Variants in TBC1D12 observed in about 807,000 individuals in gnomAD.
The protein encoded by TBC1D12 is TBC1 domain family member 12, also known as TBC1 domain family, member 12.
TBC1D12 carries 56 observed loss-of-function variants against 86.7 expected under a neutral mutation model. The ratio of observed to expected loss-of-function variants is 0.65; its 90% CI spans 0.52 to 0.81. TBC1D12 has a LOEUF of 0.81. Among genes scored for constraint, TBC1D12 ranks in the 30% least tolerant of loss-of-function variants. TBC1D12 has a pLI of 0.00. For synonymous variants in TBC1D12, 421 were observed against 411.7 expected (o/e 1.02, Z -0.27); for missense variants, 1,023 against 1,038.8 (o/e 0.98, Z 0.21).
At chr10:94,409,781 A>G (rs1474002847) in intron 1 of TBC1D12, among the ~76,000 whole-genome samples, 8 of 152,208 alleles carry the variant, frequency 5.3e-5, no homozygotes, top group Admixed American at 3.9e-4. Context: ...CAAAATGGCC[A>G]TAGAGATTAA....
intron 6 of TBC1D12, among the ~76,000 whole-genome samples, chr10:94,501,114 A>G (rs1020125109): frequency 1.3e-5 from 2 of 151,346 alleles, no homozygotes; most frequent in Middle Eastern, 3.2e-3. Flanking sequence ...AAATAAATAA[A>G]TAAAATAATT....
chr10:94,403,430 T>G lies in TBC1D12; in HGVS notation c.817T>G (p.Ser273Ala). 6.5e-7 allele frequency: 1 copy of G among 1,549,476 alleles called. No individual in the cohort carries two copies. Among genetic ancestry groups the G allele is most frequent in the Admixed American group, 1.9e-5 (1 of 51,362 alleles). ...RLGFSDIHFN[S>A]RNTFQVSRGQ... ...GGGCTTTTCTGACATTCACTTCAAC[T>G]CTCGCAACACGTTCCAGGTGAGCCG... The change falls in exon 1 of 13, where the codon TCT becomes GCT. Residue 273 changes from serine (S) to alanine (A), a missense_variant. Transcript: ENST00000225235.
At chr10:94,485,634 C>A (rs1209331391) in intron 3 of TBC1D12, among the ~76,000 whole-genome samples, 1 of 150,912 alleles carries the variant, frequency 6.6e-6, no homozygotes, top group Non-Finnish European at 1.5e-5. Context: ...GAATTCCCTC[C>A]TCTATTTTTT....
At chr10:94,427,622 A>G (rs767988066) in intron 1 of TBC1D12, among the ~76,000 whole-genome samples, 2 of 152,164 alleles carry the variant, frequency 1.3e-5, no homozygotes, top group African/African-American at 4.8e-5. Flanking sequence ...ACTTAAGGCC[A>G]GGAGTTTGAG....
chr10:94,529,943 T>C (rs1842382783), intron 11 of TBC1D12, among the ~76,000 whole-genome samples: 1 of 152,206 alleles, frequency 6.6e-6, no homozygotes, highest in Admixed American at 6.5e-5. Flanking sequence ...GTTTTTGTCA[T>C]ATGATTAAAT....
intron 2 of TBC1D12, among the ~76,000 whole-genome samples, chr10:94,459,460 G>A (rs2055688176): frequency 6.6e-6 from 1 of 152,262 alleles, no homozygotes; most frequent in Non-Finnish European, 1.5e-5. Flanking sequence ...GGGGCTGCGG[G>A]TGGAGCTGCC....
intron 1 of TBC1D12, among the ~76,000 whole-genome samples, chr10:94,408,890 T>A (rs1407519949): frequency 3.9e-5 from 6 of 152,230 alleles, no homozygotes. Context: ...ACAAGGAGAA[T>A]GAAGGAAGAA....
chr10:94,453,501 TAATTTATA>T (rs2055582845), intron 2 of TBC1D12, among the ~76,000 whole-genome samples: 1 of 152,208 alleles, frequency 6.6e-6, no homozygotes, highest in Admixed American at 6.5e-5. Context: ...TTACTGTGTC[TAATTTATA>T]AATTTATAAA....
At chr10:94,417,849 C>T (rs1340370859) in intron 1 of TBC1D12, among the ~76,000 whole-genome samples, 1 of 150,732 alleles carries the variant, frequency 6.6e-6, no homozygotes, top group Non-Finnish European at 1.5e-5. Context: ...CCCGGGTTCA[C>T]GCCATTCTCC....
intron 1 of TBC1D12, among the ~76,000 whole-genome samples, chr10:94,410,748 G>T (rs1296404944): frequency 6.6e-6 from 1 of 152,160 alleles, no homozygotes; most frequent in African/African-American, 2.4e-5. Context: ...AGCTTTTGGT[G>T]TAGTGAAAAT....
At chr10:94,405,046 CAA>C (rs59300913) in intron 1 of TBC1D12, among the ~76,000 whole-genome samples, 86 of 112,254 alleles carry the variant, frequency 7.7e-4, no homozygotes, top group East Asian at 1.2e-3. Context: ...AGACTTCTCT[CAA>C]AAAAAAAAAA....
At chr10:94,468,193 T>C (rs1238965042) in intron 2 of TBC1D12, among the ~76,000 whole-genome samples, 2 of 152,212 alleles carry the variant, frequency 1.3e-5, no homozygotes, top group Non-Finnish European at 2.9e-5. Flanking sequence ...CATTTACCAG[T>C]ATATTTCTGT....
chr10:94,533,619 TG>T lies in TBC1D12; in HGVS notation c.*527del, dbSNP rs1226432359. 1 of 152,198 alleles carries T rather than the reference TG, an allele frequency of 6.6e-6. No homozygotes were observed. The highest frequency in any genetic ancestry group is 2.4e-5 in the African/African-American group (1 of 41,442). 9.4% of individuals were successfully genotyped at this position (152,198 alleles called of 1,614,324 possible). A position where few individuals can be genotyped will look rare whatever the true frequency, so the allele number is the denominator to read the frequency against. ...ATGTCATTTATCTTCATTCACAAGT[TG>T]GGGCAAATTCGAGTTACCTAGGAAC... On this transcript the variant is annotated 3_prime_UTR_variant, in exon 13 of 13. Transcript: ENST00000225235.
chr10:94,425,280 G>A (rs2055131195), intron 1 of TBC1D12, among the ~76,000 whole-genome samples: 1 of 152,144 alleles, frequency 6.6e-6, no homozygotes, highest in African/African-American at 2.4e-5. Context: ...TGGCGTGATG[G>A]AAGTGTTCTA....
intron 2 of TBC1D12, among the ~76,000 whole-genome samples, chr10:94,470,690 CTTTTTTT>C (rs35586245): frequency 9.4e-6 from 1 of 105,822 alleles, no homozygotes; most frequent in African/African-American, 3.4e-5. Flanking sequence ...ATTTGTAATT[CTTTTTTT>C]TTTTTTTTTT....
At chr10:94,503,292 A>G (rs571458851) in intron 6 of TBC1D12, among the ~76,000 whole-genome samples, 4 of 152,368 alleles carry the variant, frequency 2.6e-5, no homozygotes, top group African/African-American at 7.2e-5. Context: ...AAAAGAGATT[A>G]AAATGAATGA....
chr10:94,468,707 G>T (rs2055859303), intron 2 of TBC1D12, among the ~76,000 whole-genome samples: 1 of 151,604 alleles, frequency 6.6e-6, no homozygotes, highest in Non-Finnish European at 1.5e-5. Context: ...GAACTTCTTG[G>T]GTCTGTGGGT....
chr10:94,495,690 G>C (rs1480594684), intron 4 of TBC1D12, among the ~76,000 whole-genome samples: 2 of 151,934 alleles, frequency 1.3e-5, no homozygotes, highest in African/African-American at 4.8e-5. Flanking sequence ...AGGCAGGTCA[G>C]CTTAATCAGG....
At chr10:94,485,045 G>C (rs1173030453) in intron 3 of TBC1D12, among the ~76,000 whole-genome samples, 2 of 152,046 alleles carry the variant, frequency 1.3e-5, no homozygotes, top group Middle Eastern at 3.2e-3. Context: ...TCATCTGCAA[G>C]GATAATTTGA....
Sources: allele counts gnomAD v4.1 joint callset (sites outside exome capture counted in the v4.1 genomes callset), GRCh38; gene constraint gnomAD v4.1.1; transcripts MANE v1.5; gene names NCBI Gene and HGNC (gene_info 2026-07-23, HGNC 2026-07-21).